The following MMADHC variants were observed in gnomAD, a reference collection of about 807,000 sequenced individuals.
The protein encoded by MMADHC is cobalamin trafficking protein CblD.
In MMADHC, 23 loss-of-function variants were observed where a neutral mutation model predicts 36.3. That is an observed-to-expected ratio of 0.63 (90% CI 0.46 to 0.90). MMADHC has a LOEUF of 0.90. Ranked by LOEUF, MMADHC falls within the 40% of genes least tolerant of loss-of-function variation. The pLI is 0.00. For missense variants in MMADHC, 330 were observed against 348.0 expected (o/e 0.95, Z 0.41); for synonymous variants, 97 against 116.1 (o/e 0.84, Z 1.06).
chr2:149,585,239 TTA>T, intron 2 of MMADHC, among the ~76,000 whole-genome samples: 1 of 152,252 alleles, frequency 6.6e-6, no homozygotes, highest in Middle Eastern at 3.4e-3. Context: ...AGCATTTATT[TTA>T]TATATGATTA....
intron 3 of MMADHC, 146 bp from the exon 4 acceptor site, chr2:149,579,794 T>C: frequency 1.3e-6 from 1 of 758,366 alleles, no homozygotes. Flanking sequence ...AATAGTTTCC[T>C]ATTGTTTCCA....
intron 6 of MMADHC, among the ~76,000 whole-genome samples, chr2:149,575,212 TA>T (rs974368105): frequency 6.6e-6 from 1 of 152,212 alleles, no homozygotes; most frequent in African/African-American, 2.4e-5. Flanking sequence ...AAGCATACTT[TA>T]GGTTAAAAGC....
chr2:149,579,773 A>G, intron 3 of MMADHC, 125 bp from the exon 4 acceptor site: 2 of 854,454 alleles, frequency 2.3e-6, no homozygotes, highest in Non-Finnish European at 3.6e-6. Context: ...CTGCTTTCCC[A>G]TGTGAATATA....
In MMADHC at chr2:149,576,459, T is replaced by A. The variant is rs374470946; in HGVS notation, c.456A>T (p.Thr152=). Residue 152 remains threonine, a synonymous_variant, in exon 5 of 8, where the codon ACA becomes ACT. Coordinates refer to ENST00000303319, the MANE Select transcript of MMADHC (RefSeq NM_015702.3). ...ESARVECAIQ[T]CPELLRKDFE... ...TACCTTTTCGCAGCAATTCTGGACA[T>A]GTCTGTATTGCACACTCTACTCTGG... is the stretch of plus-strand genomic sequence containing the variant. The A allele has an allele frequency of 6.2e-7, 1 of 1,611,552 alleles. No homozygotes were observed. The highest frequency in any genetic ancestry group is 8.5e-7 in the Non-Finnish European group (1 of 1,177,840).
At chr2:149,572,232 G>A (rs747282939) in intron 6 of MMADHC, 5 of 427,300 alleles carry the variant, frequency 1.2e-5, no homozygotes, top group Admixed American at 1.1e-4. Context: ...ATAGCTACTC[G>A]GGAGGCTGAA....
At chr2:149,576,654 A>C in intron 4 of MMADHC, 112 bp from the exon 5 acceptor site, 1 of 750,504 alleles carries the variant, frequency 1.3e-6, no homozygotes, top group Non-Finnish European at 2.4e-6. Context: ...TTTACAAAAA[A>C]TTATAATCTA....
chr2:149,575,222 G>C (rs1682695379), intron 6 of MMADHC, among the ~76,000 whole-genome samples: 1 of 152,160 alleles, frequency 6.6e-6, no homozygotes, highest in Admixed American at 6.5e-5. Flanking sequence ...TAGGTTAAAA[G>C]CAAACCACAG....
rs886054922 is a variant in MMADHC at position 149,587,152 on chromosome 2, G to C, written c.-52-3C>G. On this transcript the variant is annotated splice_region_variant and splice_polypyrimidine_tract_variant and intron_variant, in intron 1 of 7. Coordinates refer to ENST00000303319, the MANE Select transcript of MMADHC (RefSeq NM_015702.3). ...GCTTTCCTTTGGTAAAGTTATTTCT[G>C]GGAAAGAACACAACAAAACAGACGA... 3.2e-6 allele frequency: 5 copies of C among 1,564,382 alleles called. No homozygotes were observed. The highest frequency in any genetic ancestry group is 4.4e-6 in the Non-Finnish European group (5 of 1,134,974).
Position 149,571,070 on chromosome 2 carries a change from A to G in MMADHC, c.696+15T>C. The stretch of plus-strand genomic sequence containing the variant: ...CTACTTCATATAATCTGATTTTCAA[A>G]TGATAATTACTCACTGCCAAACCAG... On this transcript the variant is annotated intron_variant, in intron 7 of 7. Coordinates refer to ENST00000303319, the MANE Select transcript of MMADHC (RefSeq NM_015702.3). 1 of 1,571,814 alleles carries G rather than the reference A, an allele frequency of 6.4e-7. No homozygotes were observed. Among genetic ancestry groups the G allele is most frequent in the Non-Finnish European group, 8.8e-7 (1 of 1,141,820 alleles).
chr2:149,572,250 A>C (rs1365574906), intron 6 of MMADHC: 1 of 430,724 alleles, frequency 2.3e-6, no homozygotes, highest in Admixed American at 2.6e-5. Context: ...GAAGCAGAAG[A>C]ATTGCTTGAA....
rs1409794200 is a variant in MMADHC at position 149,578,482 on chromosome 2, A to G, written c.372+949T>C. 4.6e-5 allele frequency among the ~76,000 whole-genome samples: 7 copies of G among 152,320 alleles called. No homozygotes were observed. The East Asian group carries it at 1.3e-3, about 29-fold the overall frequency. ...CAAACAAAGATGGTTCAGTAGGCAT[A>G]TAGAAATATAGAACTGGAAATGTCA... On this transcript the variant is annotated intron_variant, in intron 4 of 7. Coordinates refer to ENST00000303319, the MANE Select transcript of MMADHC (RefSeq NM_015702.3).
chr2:149,570,965 T>G (rs1490375485), intron 7 of MMADHC, 120 bp downstream of exon 7: 1 of 812,318 alleles, frequency 1.2e-6, no homozygotes, highest in Non-Finnish European at 2.0e-6. Context: ...GTAGTATTTC[T>G]TTGGGTAAAA....
intron 2 of MMADHC, among the ~76,000 whole-genome samples, chr2:149,586,323 G>C (rs924005736): frequency 6.6e-6 from 1 of 152,158 alleles, no homozygotes; most frequent in African/African-American, 2.4e-5. Flanking sequence ...TTACATTCAG[G>C]TTGGCAGGCA....
intron 6 of MMADHC, among the ~76,000 whole-genome samples, chr2:149,573,482 C>T (rs1414663369): frequency 1.3e-5 from 2 of 152,186 alleles, no homozygotes; most frequent in Non-Finnish European, 2.9e-5. Flanking sequence ...ATCTATTTTA[C>T]AGAATGAGGC....
chr2:149,573,755 A>G (rs1682677034), intron 6 of MMADHC, among the ~76,000 whole-genome samples: 1 of 152,198 alleles, frequency 6.6e-6, no homozygotes, highest in Non-Finnish European at 1.5e-5. Flanking sequence ...GAAAATAGTC[A>G]TTAGAATGTA....
intron 6 of MMADHC, among the ~76,000 whole-genome samples, chr2:149,571,591 T>A (rs903339918): frequency 6.6e-6 from 1 of 152,040 alleles, no homozygotes; most frequent in Non-Finnish European, 1.5e-5. Flanking sequence ...CTATACTGGC[T>A]AACACGGTGA....
In MMADHC at chr2:149,575,810, A is replaced by T. The variant is rs745423033; in HGVS notation, c.510T>A (p.Asn170Lys). 1 of 1,604,318 alleles carries T rather than the reference A, an allele frequency of 6.2e-7. No homozygotes were observed. Among genetic ancestry groups the T allele is most frequent in the Non-Finnish European group, 8.5e-7 (1 of 1,172,230 alleles). Residue 170 changes from asparagine (N) to lysine (K), a missense_variant, in exon 6 of 8, where the codon AAT becomes AAA. Physicochemically the swap from Asn to Lys is moderately conservative, Grantham distance 94. Coordinates refer to ENST00000303319, the MANE Select transcript of MMADHC (RefSeq NM_015702.3). Reference protein sequence around the residue: ...DFESLFPEVANGKLMILTVTQ... With the variant: ...DFESLFPEVAKGKLMILTVTQ... The stretch of plus-strand genomic sequence containing the variant: ...TTACAGTCAGAATCATTAGTTTGCC[A>T]TTAGCTACTTCTGGAAACAGTGATT...
At chr2:149,585,476 A>C (rs1682853870) in intron 2 of MMADHC, among the ~76,000 whole-genome samples, 2 of 152,238 alleles carry the variant, frequency 1.3e-5, no homozygotes, top group African/African-American at 4.8e-5. Flanking sequence ...CAGTGTTGCA[A>C]GATATTTGAA....
chr2:149,582,853 A>C (rs904236118), intron 2 of MMADHC, among the ~76,000 whole-genome samples: 2 of 152,138 alleles, frequency 1.3e-5, no homozygotes. Context: ...TGAATGTGTA[A>C]ATATCTTTCA....
Sources: allele counts gnomAD v4.1 joint callset (sites outside exome capture counted in the v4.1 genomes callset), GRCh38; gene constraint gnomAD v4.1.1; transcripts MANE v1.5; gene names NCBI Gene and HGNC (gene_info 2026-07-23, HGNC 2026-07-21).